Variants in CREBBP observed in about 807,000 individuals in gnomAD.
CREBBP encodes the protein CREB binding lysine acetyltransferase.
CREBBP carries 19 observed loss-of-function variants against 265.0 expected under a neutral mutation model. The ratio of observed to expected loss-of-function variants is 0.07; its 90% CI spans 0.05 to 0.11. The LOEUF (loss-of-function observed/expected upper bound fraction) is 0.11, where lower values mean the gene tolerates loss of function less well. Ranked by LOEUF, CREBBP falls within the 10% of genes least tolerant of loss-of-function variation. CREBBP has a pLI of 1.00. For missense variants in CREBBP, 2,525 were observed against 3,219.0 expected (o/e 0.78, Z 5.22); for synonymous variants, 1,457 against 1,223.7 (o/e 1.19, Z -3.98).
chr16:3,820,366 T>C (rs2054118410), intron 2 of CREBBP, among the ~76,000 whole-genome samples: 1 of 152,278 alleles, frequency 6.6e-6, no homozygotes, highest in Non-Finnish European at 1.5e-5. Context: ...CACTTGGCTG[T>C]CCAGGGTGCA....
chr16:3,779,678 G>C (rs2053228295), intron 8 of CREBBP, among the ~76,000 whole-genome samples: 1 of 152,126 alleles, frequency 6.6e-6, no homozygotes, highest in Non-Finnish European at 1.5e-5. Flanking sequence ...ACAAGTATGT[G>C]CTGGGTCATT....
intron 16 of CREBBP, 100 bp from the exon 17 acceptor site, chr16:3,759,072 C>T (rs578104352): frequency 1.1e-6 from 1 of 922,162 alleles, no homozygotes; most frequent in Non-Finnish European, 1.8e-6. Context: ...ACATCCCAGC[C>T]ACGATGCTCC....
chr16:3,868,154 G>T (rs1026941486), intron 1 of CREBBP, among the ~76,000 whole-genome samples: 1 of 152,106 alleles, frequency 6.6e-6, no homozygotes, highest in Non-Finnish European at 1.5e-5. Flanking sequence ...CTATGGGGAG[G>T]GGAATGACCA....
intron 19 of CREBBP, among the ~76,000 whole-genome samples, chr16:3,756,529 T>C (rs1299184992): frequency 1.3e-5 from 2 of 152,248 alleles, no homozygotes; most frequent in South Asian, 2.1e-4. Flanking sequence ...CAAGTATTTC[T>C]TAAGCAGATC....
At chr16:3,814,717 G>T (rs2054005911) in intron 2 of CREBBP, among the ~76,000 whole-genome samples, 1 of 152,090 alleles carries the variant, frequency 6.6e-6, no homozygotes, top group African/African-American at 2.4e-5. Context: ...AAAAAAGATG[G>T]CAAGTCAAAG....
At position 3,756,392 on chromosome 16, in the gene CREBBP, AAAC is replaced by A. The variant is rs1444044946; in HGVS notation, c.3698+893_3698+895del. 2.6e-5 allele frequency among the ~76,000 whole-genome samples: 4 copies of A among 152,392 alleles called. No individual in the cohort carries two copies. In the East Asian group the frequency reaches 5.8e-4, roughly 22 times the overall value. ...TGCGGTACAGATAAGCTGACTTCTC[AAAC>A]AACTCCAAAACTACGCAAGCTGTAT... On this transcript the variant is annotated intron_variant, in intron 19 of 30. Transcript: ENST00000262367.
intron 2 of CREBBP, among the ~76,000 whole-genome samples, chr16:3,835,807 C>T (rs2054436593): frequency 6.6e-6 from 1 of 151,724 alleles, no homozygotes; most frequent in Non-Finnish European, 1.5e-5. Context: ...GTCTCGATCT[C>T]CTGACCTTGT....
chr16:3,740,808 G>A lies in CREBBP; in HGVS notation c.3983-259C>T, dbSNP rs575682756. On this transcript the variant is annotated intron_variant, in intron 23 of 30. Transcript: ENST00000262367. ...CCTGCATCTTTTTCTAACAGTATGG[G>A]GCAGAAGACCTATAGCGGTGGGTCC... The A allele has an allele frequency of 8.6e-5, 45 of 521,572 alleles. No individual in the cohort carries two copies. The South Asian group carries it at 8.9e-4, about 10-fold the overall frequency. 32.3% of individuals were successfully genotyped at this position (521,572 alleles called of 1,614,324 possible). A position where few individuals can be genotyped will look rare whatever the true frequency, so the allele number is the denominator to read the frequency against.
At chr16:3,762,008 G>A (rs2052731059) in intron 16 of CREBBP, among the ~76,000 whole-genome samples, 1 of 152,150 alleles carries the variant, frequency 6.6e-6, no homozygotes, top group East Asian at 1.9e-4. Context: ...TTTGGCAGAA[G>A]AAAAAGAAAA....
intron 1 of CREBBP, among the ~76,000 whole-genome samples, chr16:3,876,159 C>G (rs1216922526): frequency 6.6e-6 from 1 of 151,970 alleles, no homozygotes; most frequent in African/African-American, 2.4e-5. Context: ...CTGCCACAGC[C>G]TCCTGAATAG....
intron 5 of CREBBP, among the ~76,000 whole-genome samples, chr16:3,784,785 C>T (rs1428606878): frequency 2.0e-5 from 3 of 152,204 alleles, no homozygotes; most frequent in Non-Finnish European, 4.4e-5. Flanking sequence ...AAATGCCCCA[C>T]CTTACAGTGA....
Position 3,728,438 on chromosome 16 carries a change from T to C in CREBBP, c.6609A>G (p.Gln2203=), listed in dbSNP as rs62636220. Residue 2203 remains glutamine, a synonymous_variant, in exon 31 of 31, where the codon CAA becomes CAG. Transcript: ENST00000262367. The surrounding 1 kb of genome is among the most constrained non-coding windows in gnomAD (Gnocchi z 8.7). ...GTTGCTGCTGTTGTTGCTGCTGCTG[T>C]TGCTGCTGCTGCTGCAGCAGCTGCC... ...LRRQLLQQQQ[Q]QQQQQQQQQQ... 1.7e-3 allele frequency: 2,784 copies of C among 1,612,628 alleles called. 33 individuals carry two copies. In the African/African-American group the frequency reaches 0.032, roughly 18 times the overall value.
At chr16:3,862,265 G>T (rs1422167690) in intron 1 of CREBBP, among the ~76,000 whole-genome samples, 1 of 152,176 alleles carries the variant, frequency 6.6e-6, no homozygotes, top group Non-Finnish European at 1.5e-5. Flanking sequence ...CTCCAAAGAG[G>T]CAGGGACAGA....
chr16:3,784,800 C>A (rs2053349760), intron 5 of CREBBP, among the ~76,000 whole-genome samples: 1 of 152,206 alleles, frequency 6.6e-6, no homozygotes, highest in Non-Finnish European at 1.5e-5. Context: ...CAGTGAATGC[C>A]ACTCCTAAGC....
chr16:3,770,781 G>T lies in CREBBP; in HGVS notation c.2669C>A (p.Thr890Asn). 1 of 1,614,150 alleles carries T rather than the reference G, an allele frequency of 6.2e-7. No individual in the cohort carries two copies. Among genetic ancestry groups the T allele is most frequent in the Non-Finnish European group, 8.5e-7 (1 of 1,180,036 alleles). ...PQPAAPTQPSTPVSSSGQTPT... is the reference protein window; with the variant it reads ...PQPAAPTQPSNPVSSSGQTPT... Reference sequence around the variant, plus strand: ...AGTCTGCCCGGAAGACGACACAGGAGTTGATGGCTGAGTGGGAGCTGCTGG... The same window carrying T: ...AGTCTGCCCGGAAGACGACACAGGATTTGATGGCTGAGTGGGAGCTGCTGG... The change falls in exon 14 of 31, where the codon ACT (threonine) becomes AAT (asparagine). Residue 890 changes from threonine to asparagine, a missense_variant. By Grantham distance (65) the Thr-to-Asn change is moderately conservative. Around this residue, in one of 19 missense-constraint regions of CREBBP, gnomAD observed 548 missense variants for 533.0 expected, o/e 1.03. Transcript: ENST00000262367.
At position 3,725,817 on chromosome 16, in the gene CREBBP, G is replaced by A. The variant is rs1412602657; in HGVS notation, c.*1901C>T. ...GGCCCAAACGGAAGCTATTTGGGGC[G>A]TGATTTCTAAAATTACCATCACCCC... On this transcript the variant is annotated 3_prime_UTR_variant, in exon 31 of 31. Coordinates refer to ENST00000262367, the MANE Select transcript of CREBBP (RefSeq NM_004380.3). The A allele has an allele frequency of 8.6e-6, 2 of 233,096 alleles. No homozygotes were observed. The highest frequency in any genetic ancestry group is 1.7e-5 in the Non-Finnish European group (2 of 117,952). 14.4% of individuals were successfully genotyped at this position (233,096 alleles called of 1,614,324 possible).
intron 2 of CREBBP, among the ~76,000 whole-genome samples, chr16:3,831,228 A>G (rs943709535): frequency 5.9e-5 from 9 of 152,222 alleles, no homozygotes; most frequent in Non-Finnish European, 1.2e-4. Flanking sequence ...TATCTGCAAA[A>G]TTCCTAAATA....
intron 1 of CREBBP, among the ~76,000 whole-genome samples, chr16:3,869,157 G>A (rs931014288): frequency 1.3e-5 from 2 of 152,078 alleles, no homozygotes; most frequent in African/African-American, 4.8e-5. Context: ...AGCCCCCGGG[G>A]ACTTCCAATA....
chr16:3,769,945 G>A (rs987930584), intron 14 of CREBBP, among the ~76,000 whole-genome samples: 10 of 151,720 alleles, frequency 6.6e-5, no homozygotes, highest in African/African-American at 1.9e-4. Context: ...ATCTCGGCTC[G>A]ATACAATTTC....
Sources: allele counts gnomAD v4.1 joint callset (sites outside exome capture counted in the v4.1 genomes callset), GRCh38; gene constraint gnomAD v4.1.1; regional missense constraint gnomAD v4.1.1; non-coding constraint Gnocchi (gnomAD v3.1); transcripts MANE v1.5; gene names NCBI Gene and HGNC (gene_info 2026-07-23, HGNC 2026-07-21).